The following NAPEPLD variants were observed in gnomAD, a reference collection of about 807,000 sequenced individuals.
The protein encoded by NAPEPLD is N-acyl-phosphatidylethanolamine-hydrolyzing phospholipase D.
A neutral mutation model predicts 38.1 loss-of-function variants in NAPEPLD; 23 were observed. That is an observed-to-expected ratio of 0.60 (90% CI 0.43 to 0.86). The LOEUF (loss-of-function observed/expected upper bound fraction) is 0.86. Among genes scored for constraint, NAPEPLD ranks in the 40% least tolerant of loss-of-function variants. NAPEPLD has a pLI of 0.00. For missense variants in NAPEPLD, 411 were observed against 476.8 expected (o/e 0.86, Z 1.28); for synonymous variants, 147 against 162.0 (o/e 0.91, Z 0.71).
At chr7:103,136,425 AT>A (rs1490616013) in intron 1 of NAPEPLD, among the ~76,000 whole-genome samples, 18 of 139,116 alleles carry the variant, frequency 1.3e-4, no homozygotes, top group Admixed American at 8.0e-4. Context: ...AAAAAAAAAA[AT>A]ACAAAAAGAA....
At chr7:103,131,105 C>T (rs1808845952) in intron 1 of NAPEPLD, among the ~76,000 whole-genome samples, 1 of 152,072 alleles carries the variant, frequency 6.6e-6, no homozygotes, top group Non-Finnish European at 1.5e-5. Flanking sequence ...GCAGAAGTGA[C>T]CTCATGCTAC....
At chr7:103,112,998 C>T (rs1348656426) in intron 4 of NAPEPLD, among the ~76,000 whole-genome samples, 2 of 152,086 alleles carry the variant, frequency 1.3e-5, no homozygotes, top group Non-Finnish European at 2.9e-5. Flanking sequence ...ATTTTTTAAT[C>T]CTCTCTCATC....
intron 4 of NAPEPLD, among the ~76,000 whole-genome samples, chr7:103,104,162 A>G (rs1322430856): frequency 6.6e-6 from 1 of 152,172 alleles, no homozygotes; most frequent in Non-Finnish European, 1.5e-5. Context: ...AGATGTTTGA[A>G]AAGTAAGCTT....
intron 1 of NAPEPLD, among the ~76,000 whole-genome samples, chr7:103,142,479 G>A (rs922465000): frequency 3.3e-5 from 5 of 152,106 alleles, no homozygotes; most frequent in South Asian, 2.1e-4. Flanking sequence ...GGTGGCAGGC[G>A]GCTGTAATCC....
intron 1 of NAPEPLD, among the ~76,000 whole-genome samples, chr7:103,140,893 C>T (rs1315602025): frequency 6.6e-6 from 1 of 152,148 alleles, no homozygotes; most frequent in Non-Finnish European, 1.5e-5. Flanking sequence ...CAGCACTTTT[C>T]CCAGAGCTTG....
intron 1 of NAPEPLD, among the ~76,000 whole-genome samples, chr7:103,146,045 C>T (rs1297229940): frequency 6.6e-6 from 1 of 152,106 alleles, no homozygotes. Flanking sequence ...GAGAGCTTTC[C>T]ATGAGCTCTC....
intron 2 of NAPEPLD, among the ~76,000 whole-genome samples, chr7:103,124,134 C>T (rs1807265532): frequency 6.6e-6 from 1 of 151,880 alleles, no homozygotes; most frequent in Admixed American, 6.6e-5. Context: ...GATCCTGTCT[C>T]TATTTAAAAA....
At chr7:103,103,773 A>ACATACATG (rs1474081376) in intron 4 of NAPEPLD, among the ~76,000 whole-genome samples, 1 of 152,228 alleles carries the variant, frequency 6.6e-6, no homozygotes, top group Non-Finnish European at 1.5e-5. Context: ...AATCATGCCA[A>ACATACATG]CACCATGTAT....
At chr7:103,107,439 A>G (rs1803592012) in intron 4 of NAPEPLD, among the ~76,000 whole-genome samples, 1 of 152,096 alleles carries the variant, frequency 6.6e-6, no homozygotes, top group Non-Finnish European at 1.5e-5. Context: ...AAGGTGGGTA[A>G]TAACAAACCC....
At chr7:103,108,489 C>T (rs896832142) in intron 4 of NAPEPLD, among the ~76,000 whole-genome samples, 2 of 152,188 alleles carry the variant, frequency 1.3e-5, no homozygotes, top group Non-Finnish European at 2.9e-5. Flanking sequence ...TGCAGCCAAA[C>T]TAAGCTTCAA....
At chr7:103,128,234 C>T (rs1808220397) in intron 2 of NAPEPLD, 1 of 460,696 alleles carries the variant, frequency 2.2e-6, no homozygotes. Context: ...TCCAGCTCTT[C>T]CTGTCAGCAT....
intron 1 of NAPEPLD, among the ~76,000 whole-genome samples, chr7:103,136,218 G>C (rs1433109270): frequency 2.0e-5 from 3 of 151,698 alleles, no homozygotes; most frequent in Admixed American, 6.6e-5. Flanking sequence ...AGTGGGCTGA[G>C]ATCATGCCAC....
At chr7:103,128,902 T>A in intron 1 of NAPEPLD, 110 bp from the exon 2 acceptor site, 1 of 1,124,476 alleles carries the variant, frequency 8.9e-7, no homozygotes, top group Non-Finnish European at 1.2e-6. Flanking sequence ...ATAAAAATAT[T>A]ATGTCTGTAT....
At chr7:103,141,443 G>T in intron 1 of NAPEPLD, 2 of 936,806 alleles carry the variant, frequency 2.1e-6, no homozygotes, top group Non-Finnish European at 3.6e-6. Context: ...TGCTTCCTTG[G>T]TCTTAGATCT....
intron 4 of NAPEPLD, among the ~76,000 whole-genome samples, chr7:103,107,792 T>C (rs944781407): frequency 2.6e-5 from 4 of 151,866 alleles, no homozygotes; most frequent in African/African-American, 7.2e-5. Context: ...CTGAAAGTGA[T>C]GGGGAGAATG....
chr7:103,121,988 A>G (rs182989169), intron 2 of NAPEPLD, among the ~76,000 whole-genome samples: 8 of 152,338 alleles, frequency 5.3e-5, no homozygotes, highest in African/African-American at 1.4e-4. Flanking sequence ...GCAAAGGTAC[A>G]GAGCCAAACA....
At chr7:103,137,010 G>A (rs903400308) in intron 1 of NAPEPLD, among the ~76,000 whole-genome samples, 34 of 152,244 alleles carry the variant, frequency 2.2e-4, no homozygotes, top group African/African-American at 7.9e-4. Flanking sequence ...TGCAATCTCG[G>A]CTCACTGCAA....
chr7:103,145,079 T>A (rs1812261832), intron 1 of NAPEPLD, among the ~76,000 whole-genome samples: 1 of 152,198 alleles, frequency 6.6e-6, no homozygotes, highest in African/African-American at 2.4e-5. Context: ...TTGATCATTC[T>A]ATGTCTCAGG....
At chr7:103,132,055 G>A (rs1004982507) in intron 1 of NAPEPLD, among the ~76,000 whole-genome samples, 8 of 152,060 alleles carry the variant, frequency 5.3e-5, no homozygotes, top group Admixed American at 3.9e-4. Context: ...CGGAGGTTGC[G>A]GAGACTCCGT....
Sources: gnomAD v4.1 joint callset for allele counts (sites outside exome capture counted in the v4.1 genomes callset) on GRCh38, gnomAD v4.1.1 for gene constraint, MANE v1.5 for transcripts, NCBI Gene and HGNC (gene_info 2026-07-23, HGNC 2026-07-21) for gene names.